The following GPT variants were observed in gnomAD, a reference collection of about 807,000 sequenced individuals.
GPT encodes glutamic--pyruvic transaminase.
GPT carries 60 observed loss-of-function variants against 51.4 expected under a neutral mutation model. The ratio of observed to expected loss-of-function variants is 1.17; its 90% CI spans 0.95 to 1.45. The LOEUF is 1.45. Among genes scored for constraint, GPT ranks in the 40% most tolerant of loss-of-function variants. The pLI is 0.00. For missense variants in GPT, 853 were observed against 704.0 expected (o/e 1.21, Z -2.40); for synonymous variants, 397 against 303.1 (o/e 1.31, Z -3.22).
chr8:144,504,286 G>C lies in GPT; in HGVS notation c.-19G>C, dbSNP rs746152978. 1 of 1,605,080 alleles carries C rather than the reference G, an allele frequency of 6.2e-7. No individual in the cohort carries two copies. Among genetic ancestry groups the C allele is most frequent in the Non-Finnish European group, 8.5e-7 (1 of 1,179,534 alleles). On this transcript the variant is annotated 5_prime_UTR_variant, in exon 1 of 11. Coordinates refer to ENST00000394955, the MANE Select transcript of GPT (RefSeq NM_005309.3). ...CTGCCACCTCCTGAGCTGCCTTCCC[G>C]CCTGGTCTGGGTAGAGTCATGGCCT...
Position 144,504,417 on chromosome 8 carries a change from G to T in GPT, c.113G>T (p.Arg38Leu). The T allele has an allele frequency of 5.0e-6, 8 of 1,611,440 alleles. No homozygotes were observed. Among genetic ancestry groups the T allele is most frequent in the Non-Finnish European group, 5.9e-6 (7 of 1,179,936 alleles). ...PRVRRVEYAV[R>L]GPIVQRALEL... is the part of the protein sequence containing the mutation. ...GTGCGGAGAGTGGAGTACGCAGTGCGTGGCCCCATAGTGCAGCGAGCCTTG... is the reference window on the plus strand; with the variant it reads ...GTGCGGAGAGTGGAGTACGCAGTGCTTGGCCCCATAGTGCAGCGAGCCTTG... The change falls in exon 1 of 11, where the codon CGT becomes CTT. Residue 38 changes from arginine (R) to leucine (L), a missense_variant. Coordinates refer to ENST00000394955, the MANE Select transcript of GPT (RefSeq NM_005309.3).
At position 144,507,114 on chromosome 8, in the gene GPT, G is replaced by GGGGGGGGGGGGGGT; in HGVS notation, c.*114_*115insGGGGGGGGGGGGGT. The GGGGGGGGGGGGGGT allele has an allele frequency of 2.0e-6, 1 of 498,332 alleles. No homozygotes were observed. 30.9% of individuals were successfully genotyped at this position (498,332 alleles called of 1,614,324 possible). The stretch of plus-strand genomic sequence containing the variant: ...TGCCTGGCGGGGTGGGGTGGGGGGG[G>GGGGGGGGGGGGGGT]TGCTGGGCCCCTGCCTCTCTGCAGG... On this transcript the variant is annotated 3_prime_UTR_variant, in exon 11 of 11. Transcript: ENST00000394955.
chr8:144,504,824 C>T lies in GPT; in HGVS notation c.306C>T (p.Asp102=), dbSNP rs200388860. ...PDLLSSPNFP[D]DAKKRAERIL... The stretch of plus-strand genomic sequence containing the variant: ...TTCTGAGCAGCCCCAACTTCCCTGA[C>T]GATGCCAAGAAAAGGGCGGAGCGCA... Residue 102 remains aspartate, a synonymous_variant, in exon 3 of 11, where the codon GAC becomes GAT. Coordinates refer to ENST00000394955, the MANE Select transcript of GPT (RefSeq NM_005309.3). 43 of 1,613,676 alleles carry T rather than the reference C, an allele frequency of 2.7e-5. No individual in the cohort carries two copies. The highest frequency in any genetic ancestry group is 4.5e-5 in the East Asian group (2 of 44,888).
Position 144,506,907 on chromosome 8 carries a change from C to G in GPT, c.1401-3C>G. 1.2e-6 allele frequency: 2 copies of G among 1,612,810 alleles called. No individual in the cohort carries two copies. The highest frequency in any genetic ancestry group is 1.7e-6 in the Non-Finnish European group (2 of 1,179,800). On this transcript the variant is annotated splice_region_variant and splice_polypyrimidine_tract_variant and intron_variant, in intron 10 of 10. Coordinates refer to ENST00000394955, the MANE Select transcript of GPT (RefSeq NM_005309.3). This position sits in a 1 kb window ranked among gnomAD's most constrained non-coding sequence, Gnocchi z 7.0. The stretch of plus-strand genomic sequence containing the variant: ...CCCTTCACTCACTGTCAACTCCTTT[C>G]AGGATGACCATTCTGCCCCCCTTGG...
intron 6 of GPT, 32 bp downstream of exon 6, chr8:144,505,959 A>C (rs1357449581): frequency 1.2e-6 from 2 of 1,611,928 alleles, no homozygotes; most frequent in Admixed American, 1.7e-5. Context: ...GAAGCCGGGC[A>C]ACAGTCCGCC....
In GPT at chr8:144,504,989, C is replaced by T. The variant is rs772711549; in HGVS notation, c.362-9C>T. 51 of 1,612,920 alleles carry T rather than the reference C, an allele frequency of 3.2e-5. No individual in the cohort carries two copies. The highest frequency in any genetic ancestry group is 5.0e-5 in the Admixed American group (3 of 60,006). ...CCTGTACTTCCCATCCTGTCCTGCC[C>T]GAGTCCAGGGGCCTACAGCGTCAGC... On this transcript the variant is annotated splice_polypyrimidine_tract_variant and intron_variant, in intron 3 of 10. Coordinates refer to ENST00000394955, the MANE Select transcript of GPT (RefSeq NM_005309.3).
rs755524000 is a variant in GPT at position 144,506,945 on chromosome 8, T to G, written c.1436T>G (p.Leu479Arg). The G allele has an allele frequency of 4.2e-5, 67 of 1,612,750 alleles. No individual in the cohort carries two copies. The highest frequency in any genetic ancestry group is 1.6e-4 in the Middle Eastern group (1 of 6,084). ...CTGCCCCCCTTGGAGAAACTGCGGC[T>G]GCTGCTGGAGAAGCTGAGCAGGTTC... ...TILPPLEKLRLLLEKLSRFHA... is the reference protein window; with the variant it reads ...TILPPLEKLRRLLEKLSRFHA... Residue 479 changes from leucine (L) to arginine (R), a missense_variant, in exon 11 of 11, where the codon CTG becomes CGG. Transcript: ENST00000394955. The surrounding 1 kb of genome is among the most constrained non-coding windows in gnomAD (Gnocchi z 7.0).
At position 144,506,450 on chromosome 8, in the gene GPT, T is replaced by G. The variant is rs986654850; in HGVS notation, c.1131+44T>G. ...GGGGTCCAGGTGACCTAATCAGGGGTGGGGGATGCCGAGTGCCGTGCCCTG... is the reference window on the plus strand; with the variant it reads ...GGGGTCCAGGTGACCTAATCAGGGGGGGGGGATGCCGAGTGCCGTGCCCTG... On this transcript the variant is annotated intron_variant, in intron 8 of 10. Coordinates refer to ENST00000394955, the MANE Select transcript of GPT (RefSeq NM_005309.3). This position sits in a 1 kb window ranked among gnomAD's most constrained non-coding sequence, Gnocchi z 7.0. The G allele has an allele frequency of 6.4e-7, 1 of 1,570,002 alleles. No homozygotes were observed. The highest frequency in any genetic ancestry group is 2.3e-5 in the East Asian group (1 of 42,944).
chr8:144,506,568 C>T lies in GPT; in HGVS notation c.1199C>T (p.Ala400Val), dbSNP rs1379453991. The T allele has an allele frequency of 1.9e-6, 3 of 1,582,716 alleles. No individual in the cohort carries two copies. Among genetic ancestry groups the T allele is most frequent in the African/African-American group, 1.3e-5 (1 of 74,582 alleles). ...CTCACCGAGCAGGTCTTCAATGAGG[C>T]TCCTGGCATCAGCTGCAACCCAGTG... is the stretch of plus-strand genomic sequence containing the variant. ...AKLTEQVFNEAPGISCNPVQG... is the reference protein window; with the variant it reads ...AKLTEQVFNEVPGISCNPVQG... Residue 400 changes from alanine (A) to valine (V), a missense_variant, in exon 9 of 11, where the codon GCT (alanine) becomes GTT (valine). Physicochemically the swap from Ala to Val is moderately conservative, Grantham distance 64. Transcript: ENST00000394955. This position sits in a 1 kb window ranked among gnomAD's most constrained non-coding sequence, Gnocchi z 7.0.
chr8:144,506,668 G>A lies in GPT; in HGVS notation c.1287+12G>A, dbSNP rs781650289. 1.3e-6 allele frequency: 2 copies of A among 1,561,720 alleles called. No homozygotes were observed. Among genetic ancestry groups the A allele is most frequent in the South Asian group, 2.3e-5 (2 of 85,468 alleles). ...TGGAGCGCGCTCAGGTCAGGCGGGG[G>A]CGGGGCCTGCGGGGTGGGCAGGGGG... On this transcript the variant is annotated intron_variant, in intron 9 of 10. Coordinates refer to ENST00000394955, the MANE Select transcript of GPT (RefSeq NM_005309.3). The surrounding 1 kb of genome is among the most constrained non-coding windows in gnomAD (Gnocchi z 7.0).
Position 144,506,076 on chromosome 8 carries a change from G to T in GPT, c.901G>T (p.Ala301Ser). ...KVLMEMGPPY[A>S]GQQELASFHS... ...GCTCATGGAGATGGGGCCGCCCTAC[G>T]CCGGGCAGCAGGAGCTTGCCTCCTT... is the stretch of plus-strand genomic sequence containing the variant. The change falls in exon 7 of 11, where the codon GCC (alanine) becomes TCC (serine). Residue 301 changes from alanine (A) to serine (S), a missense_variant. Coordinates refer to ENST00000394955, the MANE Select transcript of GPT (RefSeq NM_005309.3). This position sits in a 1 kb window ranked among gnomAD's most constrained non-coding sequence, Gnocchi z 7.0. The T allele has an allele frequency of 6.2e-7, 1 of 1,612,376 alleles. No individual in the cohort carries two copies. The highest frequency in any genetic ancestry group is 8.5e-7 in the Non-Finnish European group (1 of 1,179,684).
Position 144,505,901 on chromosome 8 carries a change from G to C in GPT, c.793G>C (p.Glu265Gln). ...GGCCGTGATCCGCTTCGCCTTCGAA[G>C]AGCGGCTCTTTCTGCTGGCGGACGA... ...IEAVIRFAFE[E>Q]RLFLLADEVY... Residue 265 changes from glutamate to glutamine, a missense_variant, in exon 6 of 11, where the codon GAG (glutamate) becomes CAG (glutamine). By Grantham distance (29) the Glu-to-Gln change is conservative. Transcript: ENST00000394955. 6.2e-7 allele frequency: 1 copy of C among 1,600,080 alleles called. No homozygotes were observed. Among genetic ancestry groups the C allele is most frequent in the Non-Finnish European group, 8.5e-7 (1 of 1,174,098 alleles).
chr8:144,506,882 C>T lies in GPT; in HGVS notation c.1401-28C>T, dbSNP rs763407503. The T allele has an allele frequency of 1.2e-6, 2 of 1,611,668 alleles. No individual in the cohort carries two copies. The highest frequency in any genetic ancestry group is 1.7e-6 in the Non-Finnish European group (2 of 1,178,898). ...CTCACTCCCTGTCCCGCCACCCTGG[C>T]CCTTCACTCACTGTCAACTCCTTTC... On this transcript the variant is annotated intron_variant, in intron 10 of 10. Transcript: ENST00000394955. This position sits in a 1 kb window ranked among gnomAD's most constrained non-coding sequence, Gnocchi z 7.0.
chr8:144,505,511 C>G, intron 5 of GPT, 22 bp downstream of exon 5: 1 of 1,521,278 alleles, frequency 6.6e-7, no homozygotes, highest in Non-Finnish European at 8.8e-7. Context: ...GCCGCCCCGC[C>G]CCACTCCCCC....
At position 144,505,082 on chromosome 8, in the gene GPT, C is replaced by A; in HGVS notation, c.446C>A (p.Ala149Glu). The A allele has an allele frequency of 6.2e-7, 1 of 1,613,134 alleles. No homozygotes were observed. Among genetic ancestry groups the A allele is most frequent in the Non-Finnish European group, 8.5e-7 (1 of 1,179,990 alleles). ...GAGAGGCGTGACGGAGGCATCCCTGCGGACCCCAACAACGTCTTCCTGTCC... is the reference window on the plus strand; with the variant it reads ...GAGAGGCGTGACGGAGGCATCCCTGAGGACCCCAACAACGTCTTCCTGTCC... The part of the protein sequence containing the change: ...YIERRDGGIP[A>E]DPNNVFLSTG... Residue 149 changes from alanine (A) to glutamate (E), a missense_variant, in exon 4 of 11, where the codon GCG becomes GAG. Coordinates refer to ENST00000394955, the MANE Select transcript of GPT (RefSeq NM_005309.3).
chr8:144,506,804 G>A lies in GPT; in HGVS notation c.1361G>A (p.Gly454Glu), dbSNP rs1196902264. 1.2e-6 allele frequency: 2 copies of A among 1,612,612 alleles called. No homozygotes were observed. The highest frequency in any genetic ancestry group is 2.2e-5 in the East Asian group (1 of 44,902). Reference sequence around the variant, plus strand: ...GAGACCGGCATCTGCGTGGTGCCAGGGAGCGGCTTTGGGCAGCGGGAAGGC... The same window carrying A: ...GAGACCGGCATCTGCGTGGTGCCAGAGAGCGGCTTTGGGCAGCGGGAAGGC... ...LEETGICVVP[G>E]SGFGQREGTY... The change falls in exon 10 of 11, where the codon GGG becomes GAG. Residue 454 changes from glycine to glutamate, a missense_variant. Gly to Glu is a moderately conservative substitution (Grantham distance 98, BLOSUM62 -2). Transcript: ENST00000394955. This position sits in a 1 kb window ranked among gnomAD's most constrained non-coding sequence, Gnocchi z 7.0.
At chr8:144,504,959 C>T in intron 3 of GPT, 39 bp from the exon 4 acceptor site, 1 of 1,612,998 alleles carries the variant, frequency 6.2e-7, no homozygotes, top group Non-Finnish European at 8.5e-7. Flanking sequence ...CTGAGGAGAA[C>T]TTCACCTGTA....
At position 144,505,931 on chromosome 8, in the gene GPT, C is replaced by A; in HGVS notation, c.819+4C>A. ...GCTCTTTCTGCTGGCGGACGAGGTG[C>A]GCGGCGCGGGGGAGCGGGAAGCCGG... On this transcript the variant is annotated splice_donor_region_variant and intron_variant, in intron 6 of 10. Transcript: ENST00000394955. 6.2e-7 allele frequency: 1 copy of A among 1,609,408 alleles called. No individual in the cohort carries two copies. Among genetic ancestry groups the A allele is most frequent in the Non-Finnish European group, 8.5e-7 (1 of 1,178,620 alleles).
At position 144,505,112 on chromosome 8, in the gene GPT, G is replaced by C. The variant is rs1397260609; in HGVS notation, c.476G>C (p.Gly159Ala). The change falls in exon 4 of 11, where the codon GGG (glycine) becomes GCG (alanine). Residue 159 changes from glycine to alanine, a missense_variant. Coordinates refer to ENST00000394955, the MANE Select transcript of GPT (RefSeq NM_005309.3). ...CCCAACAACGTCTTCCTGTCCACAG[G>C]GGCCAGCGATGCCATCGTGGTAGGC... ...ADPNNVFLST[G>A]ASDAIVTVLK... The C allele has an allele frequency of 6.2e-7, 1 of 1,613,088 alleles. No individual in the cohort carries two copies. The highest frequency in any genetic ancestry group is 8.5e-7 in the Non-Finnish European group (1 of 1,180,012).
Sources: allele counts gnomAD v4.1 joint callset, GRCh38; gene constraint gnomAD v4.1.1; non-coding constraint Gnocchi (gnomAD v3.1); transcripts MANE v1.5; gene names NCBI Gene and HGNC (gene_info 2026-07-23, HGNC 2026-07-21).